Variants in GPC3 observed in about 807,000 individuals in gnomAD.
GPC3 encodes glypican-3.
A neutral mutation model predicts 34.4 loss-of-function variants in GPC3; 3 were observed. The observed-to-expected ratio is 0.09, with a 90% CI of 0.04 to 0.23. The LOEUF is 0.23. Ranked by LOEUF, GPC3 falls within the 10% of genes least tolerant of loss-of-function variation. GPC3 has a pLI of 1.00. For synonymous variants in GPC3, 177 were observed against 174.0 expected (o/e 1.02, Z -0.13); for missense variants, 351 against 445.6 (o/e 0.79, Z 1.91).
intron 2 of GPC3, among the ~76,000 whole-genome samples, chrX:133,830,845 CT>C (rs1246518180): frequency 9.2e-6 from 1 of 109,137 alleles, no homozygotes; most frequent in African/African-American, 3.3e-5. Flanking sequence ...AAAACTTTTG[CT>C]CTGAGAAAGA....
At chrX:133,952,336 T>A (rs951384091) in intron 2 of GPC3, among the ~76,000 whole-genome samples, 8 of 111,833 alleles carry the variant, frequency 7.2e-5, no homozygotes, top group African/African-American at 2.6e-4. Context: ...GTAAACCACT[T>A]AAAAGAGCAC....
intron 6 of GPC3, among the ~76,000 whole-genome samples, chrX:133,637,631 A>G (rs2070442297): frequency 9.0e-6 from 1 of 110,789 alleles, no homozygotes; most frequent in African/African-American, 3.3e-5. Flanking sequence ...TCTCTTTTGT[A>G]TTATTTATTT....
At chrX:133,936,953 T>C (rs2076326076) in intron 2 of GPC3, among the ~76,000 whole-genome samples, 1 of 111,327 alleles carries the variant, frequency 9.0e-6, no homozygotes, top group Non-Finnish European at 1.9e-5. Flanking sequence ...ACTGTTTAAA[T>C]TCATCACCCC....
intron 2 of GPC3, among the ~76,000 whole-genome samples, chrX:133,838,995 C>A (rs2075811666): frequency 9.0e-6 from 1 of 111,196 alleles, no homozygotes; most frequent in Admixed American, 9.7e-5. Context: ...GGACAAAGTT[C>A]CAGCAGGAGA....
intron 7 of GPC3, among the ~76,000 whole-genome samples, chrX:133,545,820 T>G (rs1483027006): frequency 9.0e-6 from 1 of 111,297 alleles, no homozygotes; most frequent in Non-Finnish European, 1.9e-5. Flanking sequence ...ATTGTATTCC[T>G]AATAGCTGAA....
chrX:133,592,091 G>C (rs1056850181), intron 7 of GPC3, among the ~76,000 whole-genome samples: 4 of 111,074 alleles, frequency 3.6e-5, no homozygotes, highest in African/African-American at 1.3e-4. Context: ...TTGTGAATGT[G>C]ACTTTAAGCA....
chrX:133,784,486 G>A, intron 2 of GPC3, among the ~76,000 whole-genome samples: 1 of 111,099 alleles, frequency 9.0e-6, no homozygotes, highest in Admixed American at 9.6e-5. Flanking sequence ...CGGCAGAGCT[G>A]ATTTCAAAGT....
At chrX:133,813,933 T>C (rs987805198) in intron 2 of GPC3, among the ~76,000 whole-genome samples, 1 of 112,204 alleles carries the variant, frequency 8.9e-6, no homozygotes, top group Non-Finnish European at 1.9e-5. Flanking sequence ...GCCTGCATCA[T>C]ATAAAAGCAA....
intron 5 of GPC3, among the ~76,000 whole-genome samples, chrX:133,692,097 C>T (rs925762967): frequency 2.3e-4 from 26 of 112,258 alleles, no homozygotes; most frequent in African/African-American, 8.1e-4. Context: ...TACAGGCTTG[C>T]GCCATCATGC....
intron 2 of GPC3, among the ~76,000 whole-genome samples, chrX:133,848,759 T>C (rs1477177983): frequency 9.0e-6 from 1 of 111,495 alleles, no homozygotes; most frequent in Non-Finnish European, 1.9e-5. Flanking sequence ...GCTGATATGT[T>C]GCAGCACTTA....
intron 2 of GPC3, among the ~76,000 whole-genome samples, chrX:133,898,300 T>C (rs749247300): frequency 8.9e-6 from 1 of 111,816 alleles, no homozygotes; most frequent in African/African-American, 3.2e-5. Flanking sequence ...CATCAATACG[T>C]TTATAAGCTA....
chrX:133,892,259 A>G (rs1235393255), intron 2 of GPC3, among the ~76,000 whole-genome samples: 1 of 111,874 alleles, frequency 8.9e-6, no homozygotes, highest in African/African-American at 3.3e-5. Flanking sequence ...AGAGCTTTCA[A>G]AAAACCAAAA....
chrX:133,680,730 T>G (rs2070933398), intron 5 of GPC3, among the ~76,000 whole-genome samples: 1 of 112,279 alleles, frequency 8.9e-6, no homozygotes, highest in African/African-American at 3.2e-5. Context: ...ATTTTTGACC[T>G]GCAACTAGAC....
intron 7 of GPC3, among the ~76,000 whole-genome samples, chrX:133,558,976 G>C (rs1249112797): frequency 3.6e-5 from 4 of 111,388 alleles, no homozygotes; most frequent in Non-Finnish European, 7.5e-5. Context: ...AGCCCTTAAA[G>C]TGGACGAGTG....
intron 2 of GPC3, among the ~76,000 whole-genome samples, chrX:133,814,565 G>GTTATTA (rs1349361462): frequency 4.6e-5 from 5 of 108,865 alleles, no homozygotes; most frequent in Admixed American, 9.9e-5. Flanking sequence ...AATTTTTATT[G>GTTATTA]TTATTATTAT....
intron 2 of GPC3, among the ~76,000 whole-genome samples, chrX:133,942,221 T>C: frequency 8.9e-6 from 1 of 112,170 alleles, no homozygotes; most frequent in Non-Finnish European, 1.9e-5. Flanking sequence ...GGAAATCAAA[T>C]AGGCAATAAA....
intron 7 of GPC3, among the ~76,000 whole-genome samples, chrX:133,536,980 T>A (rs914509491): frequency 8.9e-6 from 1 of 111,913 alleles, no homozygotes; most frequent in African/African-American, 3.3e-5. Flanking sequence ...TGATACCAAG[T>A]GAATGGGTGT....
chrX:133,540,542 G>A (rs185864259), intron 7 of GPC3, among the ~76,000 whole-genome samples: 2 of 110,903 alleles, frequency 1.8e-5, no homozygotes, highest in African/African-American at 3.3e-5. Flanking sequence ...TAGACACTGG[G>A]GACTCAGGGG....
intron 2 of GPC3, among the ~76,000 whole-genome samples, chrX:133,863,119 T>C (rs781472254): frequency 8.9e-6 from 1 of 112,579 alleles, no homozygotes; most frequent in Non-Finnish European, 1.9e-5. Context: ...CAAAGCTGGG[T>C]CAATAGTAAT....
Sources: gnomAD v4.1 joint callset for allele counts (sites outside exome capture counted in the v4.1 genomes callset) on GRCh38, gnomAD v4.1.1 for gene constraint, MANE v1.5 for transcripts, NCBI Gene and HGNC (gene_info 2026-07-23, HGNC 2026-07-21) for gene names.